Variants in DOCK9 observed in about 807,000 individuals in gnomAD.
DOCK9 encodes the protein dedicator of cytokinesis 9.
In DOCK9, 89 loss-of-function variants were observed where a neutral mutation model predicts 263.3. That is an observed-to-expected ratio of 0.34 (90% CI 0.28 to 0.40). The LOEUF (loss-of-function observed/expected upper bound fraction) is 0.40. DOCK9 is among the 10% of genes least tolerant of loss of function. The pLI, the probability that DOCK9 is intolerant of heterozygous loss-of-function variation, is 1.00. For missense variants in DOCK9, 2,140 were observed against 2,603.4 expected (o/e 0.82, Z 3.87); for synonymous variants, 976 against 973.1 (o/e 1.00, Z -0.06).
upstream of DOCK9, chr13:98,978,178 TAC>T: frequency 8.9e-7 from 1 of 1,121,386 alleles, no homozygotes. Context: ...AGCTGAACAA[TAC>T]ACAGTGTACT....
At chr13:98,806,018 C>T (rs774703731) in intron 48 of DOCK9, among the ~76,000 whole-genome samples, 25 of 152,154 alleles carry the variant, frequency 1.6e-4, no homozygotes, top group Non-Finnish European at 3.2e-4. Flanking sequence ...CCTTGGCCTC[C>T]CAAAGTGCTG....
At chr13:99,013,014 T>C (rs1000990451) in intron 1 of DOCK9, among the ~76,000 whole-genome samples, 19 of 152,212 alleles carry the variant, frequency 1.2e-4, no homozygotes, top group Non-Finnish European at 2.4e-4. Flanking sequence ...CCCTCATTGA[T>C]TGAGCATTTA....
At chr13:98,888,841 G>A in intron 15 of DOCK9, 130 bp from the exon 16 acceptor site, 2 of 723,382 alleles carry the variant, frequency 2.8e-6, no homozygotes, top group Non-Finnish European at 2.3e-6. Context: ...GTAGCCTCAT[G>A]AAAAACAGCA....
chr13:98,794,864 G>C, intron 52 of DOCK9, 116 bp from the exon 53 acceptor site: 1 of 1,158,724 alleles, frequency 8.6e-7, no homozygotes, highest in South Asian at 1.4e-5. Context: ...AGAGTTTAAG[G>C]CAATGTTGCC....
chr13:98,908,631 G>A (rs2049492736), intron 9 of DOCK9, among the ~76,000 whole-genome samples: 1 of 151,946 alleles, frequency 6.6e-6, no homozygotes, highest in South Asian at 2.1e-4. Flanking sequence ...TCAGAATAAT[G>A]TATATATCAT....
At chr13:98,803,918 G>A (rs1214509993) in intron 49 of DOCK9, among the ~76,000 whole-genome samples, 1 of 149,262 alleles carries the variant, frequency 6.7e-6, no homozygotes, top group Non-Finnish European at 1.5e-5. Flanking sequence ...GCTGTCCTGG[G>A]CTAATTCATA....
intron 1 of DOCK9, among the ~76,000 whole-genome samples, chr13:98,989,876 C>T (rs561647812): frequency 1.4e-4 from 22 of 152,214 alleles, no homozygotes; most frequent in Non-Finnish European, 2.9e-4. Context: ...CTCCTCCTTC[C>T]ATGCTCAAGT....
At chr13:99,025,348 G>GAAAACA (rs1886586203) in intron 1 of DOCK9, 1 of 151,930 alleles carries the variant, frequency 6.6e-6, no homozygotes, top group Non-Finnish European at 1.5e-5. Flanking sequence ...ATATTAAAAA[G>GAAAACA]AAAACAAAAA....
intron 48 of DOCK9, among the ~76,000 whole-genome samples, chr13:98,806,263 T>C (rs1310133271): frequency 6.6e-6 from 1 of 152,272 alleles, no homozygotes; most frequent in Non-Finnish European, 1.5e-5. Context: ...ATTTAGTTTC[T>C]ATTTAACATA....
chr13:99,057,478 G>A (rs2040981087), intron 1 of DOCK9, among the ~76,000 whole-genome samples: 1 of 152,050 alleles, frequency 6.6e-6, no homozygotes, highest in African/African-American at 2.4e-5. Flanking sequence ...TTGCGCCTCT[G>A]ATTTCTTTAC....
rs1286343497 is a variant in DOCK9 at position 99,071,306 on chromosome 13, C to CCT, written c.129+14916_129+14917insAG. Among the ~76,000 whole-genome samples the CCT allele has an allele frequency of 4.1e-4, 20 of 49,330 alleles. No homozygotes were observed. The East Asian group carries it at 6.7e-3, about 17-fold the overall frequency. 32.4% of individuals were successfully genotyped at this position (49,330 alleles called of 152,430 possible). A position where few individuals can be genotyped will look rare whatever the true frequency, so the allele number is the denominator to read the frequency against. On this transcript the variant is annotated intron_variant, in intron 1 of 32. Coordinates refer to the DOCK9 transcript ENST00000427887. ...TACAGGTGCTTGCCACCATGCCTGG[C>CCT]TTTTTTTTTTTTTTTTTTTTTTTTT...
In DOCK9 at chr13:99,038,287, C is replaced by CTTTTTT. The variant is rs1555298970; in HGVS notation, c.129+47935_129+47936insAAAAAA. On this transcript the variant is annotated intron_variant, in intron 1 of 32. Transcript: ENST00000427887. The stretch of plus-strand genomic sequence containing the variant: ...AGCTGAAAAACTGGCTTTATGCCCC[C>CTTTTTT]CTTTTTTTTTTTTTTTTTTTTTTTT... 2.2e-3 allele frequency among the ~76,000 whole-genome samples: 109 copies of CTTTTTT among 48,770 alleles called. 2 individuals are homozygous for CTTTTTT. The highest frequency in any genetic ancestry group is 5.2e-3 in the African/African-American group (69 of 13,204). 32.0% of individuals were successfully genotyped at this position (48,770 alleles called of 152,430 possible). A position where few individuals can be genotyped will look rare whatever the true frequency, so the allele number is the denominator to read the frequency against.
chr13:98,946,442 C>G (rs1464794451), intron 2 of DOCK9, among the ~76,000 whole-genome samples: 1 of 152,160 alleles, frequency 6.6e-6, no homozygotes, highest in African/African-American at 2.4e-5. Flanking sequence ...CCCCCTGCCC[C>G]AGGCCAGCCT....
At chr13:98,987,176 T>C (rs1459587409) in intron 1 of DOCK9, among the ~76,000 whole-genome samples, 2 of 152,048 alleles carry the variant, frequency 1.3e-5, no homozygotes, top group African/African-American at 2.4e-5. Flanking sequence ...CACAAAAAAA[T>C]TGATTAAAGT....
chr13:99,035,244 T>G (rs546448753), intron 1 of DOCK9, among the ~76,000 whole-genome samples: 21 of 152,318 alleles, frequency 1.4e-4, no homozygotes, highest in African/African-American at 4.6e-4. Flanking sequence ...TAGTAAACAT[T>G]CTGAACTCCA....
At chr13:98,990,047 A>G (rs1879449120) in intron 1 of DOCK9, among the ~76,000 whole-genome samples, 1 of 152,226 alleles carries the variant, frequency 6.6e-6, no homozygotes, top group South Asian at 2.1e-4. Flanking sequence ...TGCTGCCTAC[A>G]ATTCAGTCAC....
intron 2 of DOCK9, chr13:98,950,528 T>A (rs2057286947): frequency 2.7e-6 from 1 of 365,776 alleles, no homozygotes; most frequent in African/African-American, 2.1e-5. Context: ...GTCTTGAACT[T>A]CTAGGCTTAA....
In DOCK9 at chr13:99,014,623, C is replaced by G. The variant is rs574266898; in HGVS notation, c.130-59072G>C. On this transcript the variant is annotated intron_variant, in intron 1 of 32. Transcript: ENST00000427887. The stretch of plus-strand genomic sequence containing the variant: ...AAGGTCTCAGCATTTCTGCATGCTT[C>G]GCTGTACCAAGCAGCTGCTGGCAAG... Among the ~76,000 whole-genome samples the G allele has an allele frequency of 5.3e-5, 8 of 152,280 alleles. No individual in the cohort carries two copies. The South Asian group carries it at 1.7e-3, about 32-fold the overall frequency.
intron 1 of DOCK9, among the ~76,000 whole-genome samples, chr13:99,067,539 T>C (rs566072997): frequency 3.6e-4 from 55 of 152,168 alleles, no homozygotes; most frequent in Non-Finnish European, 6.6e-4. Flanking sequence ...TCACTGCAGA[T>C]GGAAGTGAGC....
Sources: gnomAD v4.1 joint callset for allele counts (sites outside exome capture counted in the v4.1 genomes callset) on GRCh38, gnomAD v4.1.1 for gene constraint, MANE v1.5 for transcripts, NCBI Gene and HGNC (gene_info 2026-07-23, HGNC 2026-07-21) for gene names.